The following DOCK5 variants were observed in gnomAD, a reference collection of about 807,000 sequenced individuals.
The protein encoded by DOCK5 is dedicator of cytokinesis protein 5.
A neutral mutation model predicts 251.8 loss-of-function variants in DOCK5; 142 were observed. The observed-to-expected ratio is 0.56, with a 90% CI of 0.49 to 0.65. The LOEUF (loss-of-function observed/expected upper bound fraction) is 0.65, where lower values mean the gene tolerates loss of function less well. Ranked by LOEUF, DOCK5 falls within the 30% of genes least tolerant of loss-of-function variation. The pLI is 0.00. For synonymous variants in DOCK5, 842 were observed against 835.5 expected (o/e 1.01, Z -0.13); for missense variants, 2,111 against 2,312.3 (o/e 0.91, Z 1.79).
At chr8:25,350,013 C>T (rs1291176497) in intron 26 of DOCK5, among the ~76,000 whole-genome samples, 1 of 152,164 alleles carries the variant, frequency 6.6e-6, no homozygotes, top group Non-Finnish European at 1.5e-5. Context: ...GAGAGTAGAA[C>T]ATTCTTTACC....
intron 11 of DOCK5, among the ~76,000 whole-genome samples, chr8:25,306,351 A>G (rs1455869411): frequency 6.6e-6 from 1 of 152,214 alleles, no homozygotes; most frequent in Admixed American, 6.5e-5. Context: ...CACTGCATGC[A>G]CATACCTATA....
At chr8:25,350,058 G>A (rs1162689218) in intron 26 of DOCK5, among the ~76,000 whole-genome samples, 1 of 152,172 alleles carries the variant, frequency 6.6e-6, no homozygotes, top group African/African-American at 2.4e-5. Context: ...TCAAAGGGTA[G>A]AAAGTGTCGG....
rs141265565 is a variant in DOCK5 at position 25,403,755 on chromosome 8, G to A, written c.5093+31G>A. ...GGTTTCATCTTTAATCTGCAGGAAG[G>A]GTGGGGTAACGCCTTACTAATGTTT... On this transcript the variant is annotated intron_variant, in intron 48 of 51. Transcript: ENST00000276440. 2.2e-4 allele frequency: 351 copies of A among 1,610,654 alleles called. 1 individual carries two copies. In the African/African-American group the frequency reaches 4.2e-3, roughly 19 times the overall value.
chr8:25,374,737 T>G (rs1407146264), intron 37 of DOCK5, 83 bp downstream of exon 37: 1 of 1,610,726 alleles, frequency 6.2e-7, no homozygotes, highest in Admixed American at 1.7e-5. Flanking sequence ...ATGATTTTGA[T>G]GGGAAAGAAC....
At chr8:25,296,338 C>T (rs1217338913) in intron 6 of DOCK5, among the ~76,000 whole-genome samples, 175 bp from the exon 7 acceptor site, 1 of 152,142 alleles carries the variant, frequency 6.6e-6, no homozygotes, top group Non-Finnish European at 1.5e-5. Context: ...AGTTTTCTAA[C>T]AGTGTTGAAA....
intron 40 of DOCK5, among the ~76,000 whole-genome samples, chr8:25,388,340 A>G (rs1801200270): frequency 6.6e-6 from 1 of 152,198 alleles, no homozygotes; most frequent in African/African-American, 2.4e-5. Context: ...GTGGGCTACC[A>G]ATGGAAACTG....
chr8:25,341,404 G>T (rs982158131), intron 23 of DOCK5, among the ~76,000 whole-genome samples: 3 of 152,078 alleles, frequency 2.0e-5, no homozygotes, highest in Non-Finnish European at 4.4e-5. Context: ...GCTCAAATGT[G>T]AACTTTACTA....
At chr8:25,187,221 A>G (rs1420017950) in intron 1 of DOCK5, among the ~76,000 whole-genome samples, 2 of 147,372 alleles carry the variant, frequency 1.4e-5, no homozygotes, top group South Asian at 4.2e-4. Context: ...CTATATATAC[A>G]TATATATACG....
chr8:25,376,103 G>GAGAA, intron 37 of DOCK5: 2 of 931,140 alleles, frequency 2.1e-6, no homozygotes, highest in Non-Finnish European at 2.5e-6. Context: ...TGTCTCAAAA[G>GAGAA]AAAAAAAAAA....
intron 38 of DOCK5, 68 bp from the exon 39 acceptor site, chr8:25,380,214 GCTCATTCCCAGTGACTCGCCAGT>G: frequency 3.5e-6 from 4 of 1,141,378 alleles, no homozygotes; most frequent in Non-Finnish European, 5.1e-6. Context: ...CAGACCACTT[GCTCATTCCCAGTGACTCGCCAGT>G]GGCTTTTGCC....
intron 9 of DOCK5, among the ~76,000 whole-genome samples, chr8:25,301,702 C>A (rs78948110): frequency 9.0e-4 from 123 of 136,712 alleles, no homozygotes; most frequent in African/African-American, 1.9e-3. Context: ...GAGACCTTGT[C>A]AAAAAAAAAA....
intron 39 of DOCK5, among the ~76,000 whole-genome samples, chr8:25,381,352 C>A (rs758984097): frequency 2.6e-5 from 4 of 152,116 alleles, no homozygotes; most frequent in Non-Finnish European, 2.9e-5. Flanking sequence ...GGGCTGGGCA[C>A]GGTGGCTCAT....
chr8:25,217,299 A>G (rs148524248), intron 1 of DOCK5, among the ~76,000 whole-genome samples: 1 of 151,522 alleles, frequency 6.6e-6, no homozygotes, highest in Non-Finnish European at 1.5e-5. Context: ...ACACAATATC[A>G]TATTAGTGGG....
intron 35 of DOCK5, 105 bp downstream of exon 35, chr8:25,372,823 C>A: frequency 1.7e-6 from 2 of 1,174,410 alleles, no homozygotes; most frequent in South Asian, 1.7e-5. Flanking sequence ...CGCCCTGAGG[C>A]ACCTTTGTGG....
At chr8:25,408,672 A>G in intron 49 of DOCK5, 130 bp from the exon 50 acceptor site, 2 of 1,045,070 alleles carry the variant, frequency 1.9e-6, no homozygotes, top group African/African-American at 1.6e-5. Flanking sequence ...TCATATGACA[A>G]TGCTTAAAAA....
chr8:25,409,990 C>G, intron 50 of DOCK5, 109 bp from the exon 51 acceptor site: 1 of 828,794 alleles, frequency 1.2e-6, no homozygotes, highest in Non-Finnish European at 1.9e-6. Context: ...ATGTGGCTTT[C>G]ATCAGTTGGT....
intron 18 of DOCK5, among the ~76,000 whole-genome samples, chr8:25,328,585 T>C (rs1252436006): frequency 1.3e-5 from 2 of 152,184 alleles, no homozygotes; most frequent in Non-Finnish European, 2.9e-5. Context: ...GTGTTCTCAC[T>C]GAGAGGGTGA....
At position 25,207,924 on chromosome 8, in the gene DOCK5, G is replaced by T. The variant is rs1021132811; in HGVS notation, c.43+22973G>T. Among the ~76,000 whole-genome samples the T allele has an allele frequency of 3.9e-5, 6 of 152,260 alleles. No homozygotes were observed. In the East Asian group the frequency reaches 1.2e-3, roughly 29 times the overall value. ...GGTGTAGTACATTAAAAACCTTCTG[G>T]AAAGGATTCCCCATTCTAAATGCCA... On this transcript the variant is annotated intron_variant, in intron 1 of 51. Transcript: ENST00000276440.
chr8:25,257,662 G>A (rs559577495), intron 2 of DOCK5, among the ~76,000 whole-genome samples: 3 of 152,204 alleles, frequency 2.0e-5, no homozygotes, highest in Non-Finnish European at 2.9e-5. Flanking sequence ...CAGTGGTCTC[G>A]TTGCTGTCCT....
Sources: gnomAD v4.1 joint callset for allele counts (sites outside exome capture counted in the v4.1 genomes callset) on GRCh38, gnomAD v4.1.1 for gene constraint, MANE v1.5 for transcripts, NCBI Gene and HGNC (gene_info 2026-07-23, HGNC 2026-07-21) for gene names.